The following KCNH7 variants were observed in gnomAD, a reference collection of about 807,000 sequenced individuals.
KCNH7 encodes the protein voltage-gated inwardly rectifying potassium channel KCNH7.
A neutral mutation model predicts 120.8 loss-of-function variants in KCNH7; 49 were observed. The observed-to-expected ratio is 0.41, with a 90% CI of 0.32 to 0.51. The LOEUF (loss-of-function observed/expected upper bound fraction) is 0.51, where lower values mean the gene tolerates loss of function less well. Among genes scored for constraint, KCNH7 ranks in the 20% least tolerant of loss-of-function variants. The pLI is 0.38. For missense variants in KCNH7, 1,097 were observed against 1,446.6 expected (o/e 0.76, Z 3.92); for synonymous variants, 547 against 516.1 (o/e 1.06, Z -0.81).
chr2:162,639,224 T>C (rs1396715179), intron 2 of KCNH7, among the ~76,000 whole-genome samples: 2 of 152,190 alleles, frequency 1.3e-5, no homozygotes, highest in Non-Finnish European at 2.9e-5. Context: ...CTAACAGTGA[T>C]GATAGCTAAA....
intron 8 of KCNH7, among the ~76,000 whole-genome samples, chr2:162,430,527 G>A (rs1383808244): frequency 1.3e-5 from 2 of 151,972 alleles, no homozygotes; most frequent in East Asian, 3.9e-4. Flanking sequence ...TCCCTTCTGT[G>A]TTCACTGTGG....
chr2:162,719,411 T>C (rs1183565539), intron 2 of KCNH7, among the ~76,000 whole-genome samples: 1 of 152,016 alleles, frequency 6.6e-6, no homozygotes, highest in East Asian at 1.9e-4. Context: ...AAATCCTAAC[T>C]TGTATTCTAA....
rs146060047 is a variant in KCNH7 at position 162,645,151 on chromosome 2, A to G, written c.308-108071T>C. Among the ~76,000 whole-genome samples, 568 of 151,940 alleles carry G rather than the reference A, an allele frequency of 3.7e-3. 1 individual carries two copies. The highest frequency in any genetic ancestry group is 0.013 in the African/African-American group (533 of 41,452). ...CTCTGCTTGATTTGAGTTTATATTT[A>G]TTGAAGCATTTTTTTTTAACAGAAT... On this transcript the variant is annotated intron_variant, in intron 2 of 15. Transcript: ENST00000332142.
intron 6 of KCNH7, among the ~76,000 whole-genome samples, chr2:162,491,076 C>T (rs1690287259): frequency 6.6e-6 from 1 of 152,172 alleles, no homozygotes; most frequent in African/African-American, 2.4e-5. Context: ...GGTACCAAGG[C>T]AATCTCGGGG....
chr2:162,669,790 A>G (rs1685276608), intron 2 of KCNH7, among the ~76,000 whole-genome samples: 1 of 152,150 alleles, frequency 6.6e-6, no homozygotes, highest in Non-Finnish European at 1.5e-5. Context: ...TGCTGAGGTA[A>G]TGTCTAAAGT....
At chr2:162,779,683 T>C (rs942788166) in intron 2 of KCNH7, among the ~76,000 whole-genome samples, 9 of 152,278 alleles carry the variant, frequency 5.9e-5, no homozygotes, top group East Asian at 3.9e-4. Flanking sequence ...ACCCCACTTA[T>C]AACAGCATCC....
intron 15 of KCNH7, 121 bp downstream of exon 15, chr2:162,373,349 G>C (rs1340731981): frequency 1.7e-6 from 1 of 592,522 alleles, no homozygotes; most frequent in Non-Finnish European, 2.7e-6. Context: ...TTCTATTTGA[G>C]TAGAAACAGA....
At chr2:162,752,918 G>C (rs1574342863) in intron 2 of KCNH7, among the ~76,000 whole-genome samples, 3 of 54,838 alleles carry the variant, frequency 5.5e-5, no homozygotes, top group Admixed American at 3.9e-4. Context: ...GAAAAGAAAA[G>C]AAAAGAAAAG....
At chr2:162,714,148 T>C (rs1327836070) in intron 2 of KCNH7, among the ~76,000 whole-genome samples, 1 of 152,228 alleles carries the variant, frequency 6.6e-6, no homozygotes, top group Non-Finnish European at 1.5e-5. Flanking sequence ...GGATTATGTC[T>C]AGCTTGAACC....
At chr2:162,654,653 T>C (rs550320956) in intron 2 of KCNH7, among the ~76,000 whole-genome samples, 1 of 152,042 alleles carries the variant, frequency 6.6e-6, no homozygotes, top group Non-Finnish European at 1.5e-5. Context: ...TATATATATA[T>C]CCAACAGAAA....
intron 2 of KCNH7, among the ~76,000 whole-genome samples, chr2:162,600,952 G>A (rs1489989564): frequency 1.3e-5 from 2 of 151,966 alleles, no homozygotes; most frequent in East Asian, 3.9e-4. Flanking sequence ...GTCTCCCATG[G>A]GGAGAAAAGA....
intron 2 of KCNH7, among the ~76,000 whole-genome samples, chr2:162,555,207 G>C (rs879244980): frequency 6.6e-6 from 1 of 152,100 alleles, no homozygotes; most frequent in Admixed American, 6.5e-5. Context: ...TTTATTTGGA[G>C]GGCAAATTAA....
At chr2:162,401,830 G>A (rs1687072063) in intron 9 of KCNH7, among the ~76,000 whole-genome samples, 1 of 151,836 alleles carries the variant, frequency 6.6e-6, no homozygotes, top group South Asian at 2.1e-4. Flanking sequence ...GCCACAGGTT[G>A]ACTCTTGTAC....
chr2:162,649,163 T>A (rs1038870840), intron 2 of KCNH7, among the ~76,000 whole-genome samples: 3 of 152,194 alleles, frequency 2.0e-5, no homozygotes, highest in Non-Finnish European at 4.4e-5. Context: ...ATTTTCTTCC[T>A]CTAATCTATT....
chr2:162,698,932 G>A (rs1333906061), intron 2 of KCNH7, among the ~76,000 whole-genome samples: 2 of 151,904 alleles, frequency 1.3e-5, no homozygotes, highest in African/African-American at 4.8e-5. Flanking sequence ...CTTTGGTCAG[G>A]CATATTTGCA....
chr2:162,453,904 C>T (rs6736845), intron 6 of KCNH7, among the ~76,000 whole-genome samples: 19,154 of 151,994 alleles, frequency 0.13, 1,763 homozygotes, highest in African/African-American at 0.24. Context: ...ATTCTGTAGG[C>T]TGCCTGTTCA....
intron 2 of KCNH7, among the ~76,000 whole-genome samples, chr2:162,624,604 C>G (rs1683480215): frequency 6.6e-6 from 1 of 152,086 alleles, no homozygotes; most frequent in Non-Finnish European, 1.5e-5. Context: ...AAGTTCTATT[C>G]AAATTAGTAT....
chr2:162,603,551 A>G (rs1226102547), intron 2 of KCNH7, among the ~76,000 whole-genome samples: 3 of 152,110 alleles, frequency 2.0e-5, no homozygotes, highest in Non-Finnish European at 4.4e-5. Context: ...TTTCTAAAAA[A>G]CAAGTAAAAG....
intron 2 of KCNH7, among the ~76,000 whole-genome samples, chr2:162,737,459 GGAAA>G (rs1260840513): frequency 6.6e-6 from 1 of 151,908 alleles, no homozygotes; most frequent in Admixed American, 6.6e-5. Flanking sequence ...AAATATTTGA[GGAAA>G]GAGTCAAGGT....
Sources: allele counts gnomAD v4.1 joint callset (sites outside exome capture counted in the v4.1 genomes callset), GRCh38; gene constraint gnomAD v4.1.1; transcripts MANE v1.5; gene names NCBI Gene and HGNC (gene_info 2026-07-23, HGNC 2026-07-21).